The following TTC29 variants were observed in gnomAD, a reference collection of about 807,000 sequenced individuals.
TTC29 encodes the protein tetratricopeptide repeat protein 29.
Under a neutral mutation model 58.1 loss-of-function variants are expected in TTC29, and 49 were observed. That is an observed-to-expected ratio of 0.84 (90% CI 0.67 to 1.07). TTC29 has a LOEUF of 1.07. TTC29 is among the 50% of genes least tolerant of loss of function. The pLI is 0.00. For missense variants in TTC29, 582 were observed against 555.6 expected (o/e 1.05, Z -0.48); for synonymous variants, 209 against 196.8 (o/e 1.06, Z -0.52).
intron 10 of TTC29, among the ~76,000 whole-genome samples, chr4:146,804,142 G>A (rs1750433749): frequency 6.6e-6 from 1 of 152,154 alleles, no homozygotes; most frequent in Non-Finnish European, 1.5e-5. Context: ...GAAGTGCAAG[G>A]GGTTGAGGAA....
chr4:146,805,831 G>A (rs560274062), intron 10 of TTC29, among the ~76,000 whole-genome samples: 1 of 152,154 alleles, frequency 6.6e-6, no homozygotes, highest in Non-Finnish European at 1.5e-5. Flanking sequence ...CTATATGGGA[G>A]CACCTCCCCA....
At chr4:146,818,559 T>G (rs1406416510) in intron 10 of TTC29, among the ~76,000 whole-genome samples, 1 of 152,194 alleles carries the variant, frequency 6.6e-6, no homozygotes, top group Non-Finnish European at 1.5e-5. Flanking sequence ...AGAAATACCA[T>G]TTGACCCAGA....
intron 6 of TTC29, among the ~76,000 whole-genome samples, chr4:146,901,091 T>C (rs1173966734): frequency 1.3e-5 from 2 of 152,192 alleles, no homozygotes; most frequent in African/African-American, 4.8e-5. Flanking sequence ...CAGAATTTGA[T>C]GGTGTAATTA....
chr4:146,732,557 T>C (rs952314893), intron 11 of TTC29, among the ~76,000 whole-genome samples: 3 of 152,134 alleles, frequency 2.0e-5, no homozygotes, highest in Non-Finnish European at 4.4e-5. Flanking sequence ...GGCAGCGAAG[T>C]AGTTTGAAAA....
chr4:146,908,603 A>G (rs1489333273), intron 5 of TTC29, among the ~76,000 whole-genome samples: 1 of 152,122 alleles, frequency 6.6e-6, no homozygotes, highest in African/African-American at 2.4e-5. Context: ...CTTGACCCAA[A>G]CTTCAAAGTC....
intron 11 of TTC29, among the ~76,000 whole-genome samples, chr4:146,738,119 C>A (rs544895825): frequency 2.0e-5 from 3 of 152,286 alleles, no homozygotes; most frequent in South Asian, 4.1e-4. Flanking sequence ...GAGGCACTAT[C>A]GGTCTAGTAT....
intron 8 of TTC29, among the ~76,000 whole-genome samples, chr4:146,844,674 C>T (rs779509104): frequency 7.2e-5 from 11 of 152,124 alleles, no homozygotes; most frequent in Non-Finnish European, 1.2e-4. Flanking sequence ...AACCACTGTG[C>T]CCAGCCCCCA....
intron 8 of TTC29, among the ~76,000 whole-genome samples, chr4:146,842,546 C>A (rs17785555): frequency 6.6e-6 from 1 of 151,566 alleles, no homozygotes; most frequent in African/African-American, 2.4e-5. Flanking sequence ...TCTAAGAGAA[C>A]CAGAAGAGTT....
chr4:146,926,314 C>G (rs1459925543), intron 4 of TTC29, among the ~76,000 whole-genome samples: 1 of 152,106 alleles, frequency 6.6e-6, no homozygotes, highest in Non-Finnish European at 1.5e-5. Flanking sequence ...TCGCATCTTC[C>G]TTTTTGCCCA....
intron 11 of TTC29, among the ~76,000 whole-genome samples, chr4:146,760,760 A>ATATG (rs1212825846): frequency 5.2e-4 from 76 of 145,244 alleles, no homozygotes; most frequent in African/African-American, 1.9e-3. Flanking sequence ...ATGTGTATAT[A>ATATG]TATATATATG....
intron 11 of TTC29, among the ~76,000 whole-genome samples, chr4:146,708,104 G>A (rs1742118855): frequency 6.6e-6 from 1 of 151,760 alleles, no homozygotes; most frequent in African/African-American, 2.4e-5. Flanking sequence ...TCTGTCAGCT[G>A]AATACTACTT....
chr4:146,862,828 C>A (rs1055842758), intron 8 of TTC29, among the ~76,000 whole-genome samples: 1 of 152,100 alleles, frequency 6.6e-6, no homozygotes, highest in Non-Finnish European at 1.5e-5. Flanking sequence ...ATAACAAGAA[C>A]CAACTAAACC....
At chr4:146,722,055 T>C (rs1384043103) in intron 11 of TTC29, among the ~76,000 whole-genome samples, 1 of 36,636 alleles carries the variant, frequency 2.7e-5, no homozygotes, top group African/African-American at 1.2e-4. Context: ...CAGAGTCCCA[T>C]TCACAATAGA....
At chr4:146,767,940 T>C (rs946731573) in intron 11 of TTC29, among the ~76,000 whole-genome samples, 2 of 152,012 alleles carry the variant, frequency 1.3e-5, no homozygotes, top group Non-Finnish European at 2.9e-5. Flanking sequence ...AATTCAAGGG[T>C]TGGATAAGGT....
At chr4:146,872,241 C>A (rs539365732) in intron 7 of TTC29, among the ~76,000 whole-genome samples, 12 of 152,152 alleles carry the variant, frequency 7.9e-5, no homozygotes, top group African/African-American at 2.6e-4. Flanking sequence ...TGTGCACACA[C>A]ACACACATGA....
intron 11 of TTC29, among the ~76,000 whole-genome samples, chr4:146,774,958 T>C (rs974716946): frequency 6.6e-6 from 1 of 152,206 alleles, no homozygotes; most frequent in African/African-American, 2.4e-5. Context: ...GTATTTAGGA[T>C]AGTTAGGTCT....
chr4:146,863,856 T>G (rs1730402209), intron 8 of TTC29, among the ~76,000 whole-genome samples: 1 of 152,080 alleles, frequency 6.6e-6, no homozygotes, highest in South Asian at 2.1e-4. Flanking sequence ...GTCAAGTAAA[T>G]TTGCCCTTCC....
chr4:146,785,054 T>C (rs773691146), intron 11 of TTC29, among the ~76,000 whole-genome samples: 3 of 152,222 alleles, frequency 2.0e-5, no homozygotes, highest in Non-Finnish European at 4.4e-5. Context: ...GACTGCTGCA[T>C]TGCTGCATGT....
intron 11 of TTC29, among the ~76,000 whole-genome samples, chr4:146,781,027 G>C (rs1748555290): frequency 6.6e-6 from 1 of 151,962 alleles, no homozygotes; most frequent in East Asian, 1.9e-4. Flanking sequence ...ACACAAGAAA[G>C]GCAATTGTAT....
Sources: allele counts gnomAD v4.1 joint callset (sites outside exome capture counted in the v4.1 genomes callset), GRCh38; gene constraint gnomAD v4.1.1; transcripts MANE v1.5; gene names NCBI Gene and HGNC (gene_info 2026-07-23, HGNC 2026-07-21).